ZNF572: variants seen among roughly 807,000 people sequenced by gnomAD.
The protein encoded by ZNF572 is zinc finger protein 572.
A neutral mutation model predicts 3.8 loss-of-function variants in ZNF572; 2 were observed. The observed-to-expected ratio is 0.52, with a 90% CI of 0.21 to 1.65. The LOEUF is 1.65. Among genes scored for constraint, ZNF572 ranks in the 40% most tolerant of loss-of-function variants. ZNF572 has a pLI of 0.20. For missense variants in ZNF572, 581 were observed against 633.4 expected (o/e 0.92, Z 0.89); for synonymous variants, 187 against 204.5 (o/e 0.91, Z 0.73).
In ZNF572 at chr8:124,977,131, T is replaced by A. The variant is rs746616715; in HGVS notation, c.863T>A (p.Ile288Asn). ...GKSFSQSSSL[I>N]RHQRTHTGEK... ...AGTTTTAGTCAGAGTTCCAGCCTCATTCGCCACCAGCGGACACACACAGGT... is the reference window on the plus strand; with the variant it reads ...AGTTTTAGTCAGAGTTCCAGCCTCAATCGCCACCAGCGGACACACACAGGT... The change falls in exon 3 of 3, where the codon ATT (isoleucine) becomes AAT (asparagine). Residue 288 changes from isoleucine to asparagine, a missense_variant. Physicochemically the swap from Ile to Asn is moderately radical, Grantham distance 149. Coordinates refer to ENST00000319286, the MANE Select transcript of ZNF572 (RefSeq NM_152412.3). The A allele has an allele frequency of 1.7e-5, 28 of 1,608,846 alleles. No homozygotes were observed. Among genetic ancestry groups the A allele is most frequent in the Non-Finnish European group, 2.4e-5 (28 of 1,179,988 alleles).
At chr8:124,975,749 T>A (rs1814498689) in intron 2 of ZNF572, 30 bp downstream of exon 2, 1 of 1,573,518 alleles carries the variant, frequency 6.4e-7, no homozygotes, top group Admixed American at 1.7e-5. Flanking sequence ...ATCTGAATCC[T>A]TAGGAAATTT....
Position 124,979,173 on chromosome 8 carries a change from A to C in ZNF572, c.*1315A>C, listed in dbSNP as rs186411199. The C allele has an allele frequency of 6.0e-4, 91 of 152,724 alleles. No individual in the cohort carries two copies. The highest frequency in any genetic ancestry group is 2.1e-3 in the African/African-American group (87 of 41,556). 9.5% of individuals were successfully genotyped at this position (152,724 alleles called of 1,614,324 possible). ...ATTTCATCTAATTTTTGGATTCAGA[A>C]TGTATTTTATGAATAATATGCAGAG... On this transcript the variant is annotated 3_prime_UTR_variant, in exon 3 of 3. Transcript: ENST00000319286.
Position 124,977,401 on chromosome 8 carries a change from A to G in ZNF572, c.1133A>G (p.Gln378Arg), listed in dbSNP as rs748989657. ...NCNVIEECRIQLGEKPYRCCE... is the reference protein window; with the variant it reads ...NCNVIEECRIRLGEKPYRCCE... ...AATGTGATAGAAGAATGCAGAATCCAGTTAGGAGAGAAACCATATAGATGT... is the reference window on the plus strand; with the variant it reads ...AATGTGATAGAAGAATGCAGAATCCGGTTAGGAGAGAAACCATATAGATGT... The change falls in exon 3 of 3, where the codon CAG (glutamine) becomes CGG (arginine). Residue 378 changes from glutamine to arginine, a missense_variant. Physicochemically the swap from Gln to Arg is conservative, Grantham distance 43. Coordinates refer to ENST00000319286, the MANE Select transcript of ZNF572 (RefSeq NM_152412.3). 19 of 1,614,114 alleles carry G rather than the reference A, an allele frequency of 1.2e-5. No individual in the cohort carries two copies. The Admixed American group carries it at 3.0e-4, about 25-fold the overall frequency.
At chr8:124,975,816 T>C in intron 2 of ZNF572, 97 bp downstream of exon 2, 1 of 930,066 alleles carries the variant, frequency 1.1e-6, no homozygotes, top group Non-Finnish European at 1.7e-6. Flanking sequence ...TTCCTTGTTC[T>C]GTCACTTATA....
In ZNF572 at chr8:124,978,068, A is replaced by G; in HGVS notation, c.*210A>G. The stretch of plus-strand genomic sequence containing the variant: ...AGATTCATCCACCAAGGATGAAGAA[A>G]GGAGGACTTTTAAAAATTTAAGGTA... On this transcript the variant is annotated 3_prime_UTR_variant, in exon 3 of 3. Coordinates refer to ENST00000319286, the MANE Select transcript of ZNF572 (RefSeq NM_152412.3). 1.9e-6 allele frequency: 1 copy of G among 520,578 alleles called. No individual in the cohort carries two copies. The highest frequency in any genetic ancestry group is 3.2e-6 in the Non-Finnish European group (1 of 307,996). 32.2% of individuals were successfully genotyped at this position (520,578 alleles called of 1,614,324 possible).
Position 124,977,023 on chromosome 8 carries a change from G to T in ZNF572, c.755G>T (p.Gly252Val). The part of the protein sequence containing the change: ...KPYECSVCGK[G>V]FSHSYVLIEH... ...TATGAATGTTCTGTCTGCGGAAAAG[G>T]CTTCAGTCACAGCTATGTCCTAATA... The change falls in exon 3 of 3, where the codon GGC becomes GTC. Residue 252 changes from glycine to valine, a missense_variant. Transcript: ENST00000319286. 2 of 1,613,802 alleles carry T rather than the reference G, an allele frequency of 1.2e-6. No individual in the cohort carries two copies. The highest frequency in any genetic ancestry group is 1.7e-6 in the Non-Finnish European group (2 of 1,180,020).
In ZNF572 at chr8:124,973,338, G is replaced by C. The variant is rs1814456358; in HGVS notation, c.-114G>C. The C allele has an allele frequency of 6.6e-6, 1 of 152,444 alleles. No individual in the cohort carries two copies. Among genetic ancestry groups the C allele is most frequent in the African/African-American group, 2.4e-5 (1 of 41,578 alleles). The allele number at this position is 152,444 out of a possible 1,614,324, so 9.4% of individuals were successfully genotyped here. ...TTTGAGAGTTTAGGACCCTGGGTTG[G>C]TGGGGTCAGAGGGAGAGGGGGTACC... is the stretch of plus-strand genomic sequence containing the variant. On this transcript the variant is annotated 5_prime_UTR_variant, in exon 1 of 3. Coordinates refer to ENST00000319286, the MANE Select transcript of ZNF572 (RefSeq NM_152412.3).
Position 124,976,457 on chromosome 8 carries a change from T to C in ZNF572, c.189T>C (p.Tyr63=). The change falls in exon 3 of 3, where the codon TAT becomes TAC. Residue 63 remains tyrosine (Y), a synonymous_variant. Transcript: ENST00000319286. Reference sequence around the variant, plus strand: ...CTAAAAGACATAGACCACAACATTATAAGCATGAGGATGCAAAAGAAATGC... The same window carrying C: ...CTAAAAGACATAGACCACAACATTACAAGCATGAGGATGCAAAAGAAATGC... ...EWSKRHRPQH[Y]KHEDAKEMPL... 1 of 1,614,142 alleles carries C rather than the reference T, an allele frequency of 6.2e-7. No homozygotes were observed. The highest frequency in any genetic ancestry group is 8.5e-7 in the Non-Finnish European group (1 of 1,180,000).
In ZNF572 at chr8:124,978,121, T is replaced by A. The variant is rs559749504; in HGVS notation, c.*263T>A. Reference sequence around the variant, plus strand: ...ATAGTAATAGCTTCAAAAGAACACATACAGAGTAATCCTGAGAGTAAGCAA... The same window carrying A: ...ATAGTAATAGCTTCAAAAGAACACAAACAGAGTAATCCTGAGAGTAAGCAA... On this transcript the variant is annotated 3_prime_UTR_variant, in exon 3 of 3. Transcript: ENST00000319286. 1 of 409,352 alleles carries A rather than the reference T, an allele frequency of 2.4e-6. No homozygotes were observed. Among genetic ancestry groups the A allele is most frequent in the African/African-American group, 2.0e-5 (1 of 49,094 alleles). The allele number at this position is 409,352 out of a possible 1,614,324, so 25.4% of individuals were successfully genotyped here.
chr8:124,976,959 C>A lies in ZNF572; in HGVS notation c.691C>A (p.Leu231Ile). Residue 231 changes from leucine (L) to isoleucine (I), a missense_variant, in exon 3 of 3, where the codon CTT becomes ATT. By Grantham distance (5) the Leu-to-Ile change is conservative (BLOSUM62 2). Coordinates refer to ENST00000319286, the MANE Select transcript of ZNF572 (RefSeq NM_152412.3). The part of the protein sequence containing the change: ...CGKRFSSSSH[L>I]IQHHRSHTGE... ...GAAGAGATTCAGCAGCAGCTCTCAC[C>A]TTATTCAGCATCACAGATCACATAC... is the stretch of plus-strand genomic sequence containing the variant. 1 of 1,614,166 alleles carries A rather than the reference C, an allele frequency of 6.2e-7. No homozygotes were observed. Among genetic ancestry groups the A allele is most frequent in the Non-Finnish European group, 8.5e-7 (1 of 1,180,030 alleles).
In ZNF572 at chr8:124,977,530, T is replaced by G. The variant is rs1326431051; in HGVS notation, c.1262T>G (p.Phe421Cys). Reference protein sequence around the residue: ...PYRCSECWKTFSQSSTLVIHQ... With the variant: ...PYRCSECWKTCSQSSTLVIHQ... ...AGATGTTCTGAGTGCTGGAAAACTT[T>G]CAGTCAGAGTTCCACCCTGGTGATT... The change falls in exon 3 of 3, where the codon TTC becomes TGC. Residue 421 changes from phenylalanine to cysteine, a missense_variant. By Grantham distance (205) the Phe-to-Cys change is radical. Transcript: ENST00000319286. 5 of 1,614,096 alleles carry G rather than the reference T, an allele frequency of 3.1e-6. No homozygotes were observed. Among genetic ancestry groups the G allele is most frequent in the Non-Finnish European group, 4.2e-6 (5 of 1,180,034 alleles).
chr8:124,974,933 G>A (rs1814488497), intron 1 of ZNF572, among the ~76,000 whole-genome samples: 2 of 152,134 alleles, frequency 1.3e-5, no homozygotes, highest in South Asian at 4.1e-4. Context: ...CCTTAAAATA[G>A]GTTAGTGATT....
chr8:124,975,521 A>C, intron 1 of ZNF572, 85 bp from the exon 2 acceptor site: 1 of 756,018 alleles, frequency 1.3e-6, no homozygotes, highest in Non-Finnish European at 2.3e-6. Flanking sequence ...TATGCCTCCT[A>C]TTGTTGTGTT....
At position 124,976,820 on chromosome 8, in the gene ZNF572, A is replaced by G. The variant is rs1291805902; in HGVS notation, c.552A>G (p.Gly184=). 1 of 1,613,996 alleles carries G rather than the reference A, an allele frequency of 6.2e-7. No homozygotes were observed. The highest frequency in any genetic ancestry group is 8.5e-7 in the Non-Finnish European group (1 of 1,180,010). Residue 184 remains glycine, a synonymous_variant, in exon 3 of 3, where the codon GGA becomes GGG. Transcript: ENST00000319286. ...HLIQHLRMHT[G]EKPYQCGECG... Reference sequence around the variant, plus strand: ...TTCAGCATCTAAGAATGCACACAGGAGAGAAGCCCTACCAGTGTGGTGAAT... The same window carrying G: ...TTCAGCATCTAAGAATGCACACAGGGGAGAAGCCCTACCAGTGTGGTGAAT...
chr8:124,973,921 A>G (rs975139095), intron 1 of ZNF572, among the ~76,000 whole-genome samples: 5 of 152,012 alleles, frequency 3.3e-5, no homozygotes, highest in African/African-American at 7.3e-5. Context: ...TGTTGCCCAG[A>G]CTCTTGCTGC....
Position 124,976,987 on chromosome 8 carries a change from G to A in ZNF572, c.719G>A (p.Gly240Asp). Reference sequence around the variant, plus strand: ...ATTCAGCATCACAGATCACATACAGGTGAAAAACCATATGAATGTTCTGTC... The same window carrying A: ...ATTCAGCATCACAGATCACATACAGATGAAAAACCATATGAATGTTCTGTC... ...HLIQHHRSHTGEKPYECSVCG... is the reference protein window; with the variant it reads ...HLIQHHRSHTDEKPYECSVCG... The change falls in exon 3 of 3, where the codon GGT (glycine) becomes GAT (aspartate). Residue 240 changes from glycine (G) to aspartate (D), a missense_variant. By Grantham distance (94) the Gly-to-Asp change is moderately conservative. Transcript: ENST00000319286. 6.2e-7 allele frequency: 1 copy of A among 1,614,142 alleles called. No individual in the cohort carries two copies. Among genetic ancestry groups the A allele is most frequent in the East Asian group, 2.2e-5 (1 of 44,884 alleles).
chr8:124,977,423 A>T lies in ZNF572; in HGVS notation c.1155A>T (p.Arg385Ser), dbSNP rs200935963. 1.9e-6 allele frequency: 3 copies of T among 1,614,080 alleles called. No individual in the cohort carries two copies. In the East Asian group the frequency reaches 6.7e-5, roughly 36 times the overall value. The change falls in exon 3 of 3, where the codon AGA becomes AGT. Residue 385 changes from arginine (R) to serine (S), a missense_variant. Coordinates refer to ENST00000319286, the MANE Select transcript of ZNF572 (RefSeq NM_152412.3). ...CRIQLGEKPY[R>S]CCECGKSFGL... ...TCCAGTTAGGAGAGAAACCATATAG[A>T]TGTTGTGAATGTGGGAAGAGTTTTG...
chr8:124,973,514 C>T (rs1814461166), intron 1 of ZNF572, 98 bp downstream of exon 1: 1 of 152,232 alleles, frequency 6.6e-6, no homozygotes, highest in Admixed American at 6.5e-5. Context: ...GAGAGAGTTC[C>T]CGCTGCTGCC....
chr8:124,975,501 T>C lies in ZNF572; in HGVS notation c.-35-105T>C, dbSNP rs139490852. 1.6e-3 allele frequency: 1,056 copies of C among 653,188 alleles called. 9 individuals are homozygous for C. The African/African-American group carries it at 0.017, about 11-fold the overall frequency. The allele number at this position is 653,188 out of a possible 1,614,324, so 40.5% of individuals were successfully genotyped here. The stretch of plus-strand genomic sequence containing the variant: ...TGTTTCTTATTTTCGGTATGGTTCA[T>C]GGAACATTCTATGCCTCCTATTGTT... On this transcript the variant is annotated intron_variant, in intron 1 of 2. Coordinates refer to ENST00000319286, the MANE Select transcript of ZNF572 (RefSeq NM_152412.3).
Sources: allele counts gnomAD v4.1 joint callset (sites outside exome capture counted in the v4.1 genomes callset), GRCh38; gene constraint gnomAD v4.1.1; transcripts MANE v1.5; gene names NCBI Gene and HGNC (gene_info 2026-07-23, HGNC 2026-07-21).